The following PDE8A variants were observed in gnomAD, a reference collection of about 807,000 sequenced individuals.
PDE8A encodes high affinity cAMP-specific and IBMX-insensitive 3',5'-cyclic phosphodiesterase 8A.
A neutral mutation model predicts 105.0 loss-of-function variants in PDE8A; 59 were observed. The ratio of observed to expected loss-of-function variants is 0.56; its 90% CI spans 0.46 to 0.70. PDE8A has a LOEUF of 0.70. PDE8A is among the 30% of genes least tolerant of loss of function. The probability of loss-of-function intolerance (pLI) is 0.00; values close to 1 mark genes in which losing one functional copy is unlikely to be tolerated. For missense variants in PDE8A, 1,014 were observed against 1,045.9 expected, an observed-to-expected ratio of 0.97 and a Z score of 0.42; for synonymous variants, 355 against 371.9, an observed-to-expected ratio of 0.95 and a Z score of 0.52.
At chr15:84,982,469 TG>T in intron 1 of PDE8A, 121 bp downstream of exon 1, 1 of 544,266 alleles carries the variant, frequency 1.8e-6, no homozygotes, top group East Asian at 3.6e-5. Context: ...TGTCCCGCTT[TG>T]GATGGTTCTG....
chr15:85,080,620 G>A lies in PDE8A; in HGVS notation c.547-2936G>A, dbSNP rs148952869. Among the ~76,000 whole-genome samples the A allele has an allele frequency of 9.5e-3, 1,453 of 152,276 alleles. 15 individuals are homozygous for A. Among genetic ancestry groups the A allele is most frequent in the Middle Eastern group, 0.058 (17 of 292 alleles). On this transcript the variant is annotated intron_variant, in intron 5 of 21. Transcript: ENST00000394553. ...TGGAAATTTGTGCCTGGTGACTGCC[G>A]TGTTTGAAATTCTGCCCAAGAAGTC...
chr15:85,067,156 T>C lies in PDE8A; in HGVS notation c.386T>C (p.Ile129Thr). 6.2e-7 allele frequency: 1 copy of C among 1,614,004 alleles called. No homozygotes were observed. The highest frequency in any genetic ancestry group is 8.5e-7 in the Non-Finnish European group (1 of 1,179,944). ...CTGGACAAACATCATGACATTATCA[T>C]CATAGACCACAGAAATCCTCGACAG... ...CFLDKHHDII[I>T]IDHRNPRQLD... Residue 129 changes from isoleucine to threonine, a missense_variant, in exon 3 of 22, where the codon ATC becomes ACC. Ile to Thr is a moderately conservative substitution (Grantham distance 89). Coordinates refer to ENST00000394553, the MANE Select transcript of PDE8A (RefSeq NM_002605.3).
At chr15:85,086,212 T>C (rs548932331) in intron 6 of PDE8A, among the ~76,000 whole-genome samples, 4 of 152,132 alleles carry the variant, frequency 2.6e-5, no homozygotes, top group African/African-American at 7.2e-5. Flanking sequence ...TGTGAAAAAG[T>C]AGGGCTACGT....
In PDE8A at chr15:84,997,337, G is replaced by A. The variant is rs140666266; in HGVS notation, c.186+14989G>A. On this transcript the variant is annotated intron_variant, in intron 1 of 21. Transcript: ENST00000394553. ...GCCTCCTAAGTAGCTGGGACTGCAGGTGTGCACCACCATGCCTGGCTAATT... is the reference window on the plus strand; with the variant it reads ...GCCTCCTAAGTAGCTGGGACTGCAGATGTGCACCACCATGCCTGGCTAATT... Among the ~76,000 whole-genome samples, 10 of 151,994 alleles carry A rather than the reference G, an allele frequency of 6.6e-5. No individual in the cohort carries two copies. The East Asian group carries it at 7.7e-4, about 12-fold the overall frequency.
At chr15:85,049,122 A>T (rs1417907892) in intron 1 of PDE8A, among the ~76,000 whole-genome samples, 2 of 151,952 alleles carry the variant, frequency 1.3e-5, no homozygotes, top group Non-Finnish European at 2.9e-5. Context: ...AAATAAAATA[A>T]AAAAGAAAAT....
chr15:85,023,753 G>A (rs2080467429), intron 1 of PDE8A, among the ~76,000 whole-genome samples: 1 of 152,166 alleles, frequency 6.6e-6, no homozygotes, highest in Admixed American at 6.5e-5. Context: ...TGGTGGATGG[G>A]TTATTTATGT....
chr15:85,118,532 T>C (rs576724223), intron 17 of PDE8A, among the ~76,000 whole-genome samples: 69 of 152,318 alleles, frequency 4.5e-4, no homozygotes, highest in African/African-American at 1.6e-3. Context: ...AATGTGATCT[T>C]TCTGAAACAG....
Position 85,123,253 on chromosome 15 carries a change from G to A in PDE8A, c.2085+60G>A. On this transcript the variant is annotated intron_variant, in intron 19 of 21. Transcript: ENST00000394553. ...TGGGGTCCTTGTACTGTTGTGTTATGGAGACACATGGGCTATGATATCAGC... is the reference window on the plus strand; with the variant it reads ...TGGGGTCCTTGTACTGTTGTGTTATAGAGACACATGGGCTATGATATCAGC... 10 of 1,495,164 alleles carry A rather than the reference G, an allele frequency of 6.7e-6. No homozygotes were observed. In the South Asian group the frequency reaches 8.0e-5, roughly 12 times the overall value. 92.6% of individuals were successfully genotyped at this position (1,495,164 alleles called of 1,614,324 possible).
At chr15:85,047,238 A>G (rs779754930) in intron 1 of PDE8A, among the ~76,000 whole-genome samples, 1 of 152,240 alleles carries the variant, frequency 6.6e-6, no homozygotes, top group Non-Finnish European at 1.5e-5. Flanking sequence ...GGTCAGTTTG[A>G]TTATGATTTC....
At chr15:84,982,635 A>T (rs1184362970) in intron 1 of PDE8A, among the ~76,000 whole-genome samples, 1 of 152,070 alleles carries the variant, frequency 6.6e-6, no homozygotes, top group Non-Finnish European at 1.5e-5. Flanking sequence ...GCGGGGCCCG[A>T]TGTGAAGTTG....
intron 21 of PDE8A, among the ~76,000 whole-genome samples, chr15:85,137,149 G>T (rs1328555629): frequency 1.3e-5 from 2 of 152,182 alleles, no homozygotes; most frequent in Admixed American, 1.3e-4. Context: ...TTCGTCCTGA[G>T]GGCTGCACCT....
chr15:85,010,643 C>T (rs368817596), intron 1 of PDE8A, among the ~76,000 whole-genome samples: 10 of 152,318 alleles, frequency 6.6e-5, no homozygotes, highest in East Asian at 3.9e-4. Context: ...ACAGTGCCTA[C>T]ACTCATTGGT....
intron 20 of PDE8A, 27 bp downstream of exon 20, chr15:85,126,401 TAGAGAG>T: frequency 6.8e-7 from 1 of 1,475,796 alleles, no homozygotes; most frequent in Non-Finnish European, 9.1e-7. Context: ...TTTAAGTTTC[TAGAGAG>T]AGAGAGAGTT....
chr15:84,990,483 A>G (rs747592905), intron 1 of PDE8A, among the ~76,000 whole-genome samples: 1 of 152,176 alleles, frequency 6.6e-6, no homozygotes, highest in Non-Finnish European at 1.5e-5. Context: ...AGAACCTTAC[A>G]GTCTATTCTT....
At chr15:85,033,738 G>A (rs1242421187) in intron 1 of PDE8A, among the ~76,000 whole-genome samples, 2 of 152,108 alleles carry the variant, frequency 1.3e-5, no homozygotes, top group Admixed American at 6.5e-5. Flanking sequence ...GGTGGCGGGC[G>A]CCTGTAATCC....
At chr15:85,090,645 A>G in intron 7 of PDE8A, 2 of 344,134 alleles carry the variant, frequency 5.8e-6, no homozygotes, top group South Asian at 4.4e-5. Flanking sequence ...GAGGGGGAGG[A>G]CAGCCTGAGT....
chr15:85,001,243 A>G (rs528569160), intron 1 of PDE8A, among the ~76,000 whole-genome samples: 1 of 152,234 alleles, frequency 6.6e-6, no homozygotes, highest in East Asian at 1.9e-4. Context: ...TTCCCAATTT[A>G]ATCAGTGTAA....
intron 20 of PDE8A, among the ~76,000 whole-genome samples, chr15:85,134,453 T>C (rs773645486): frequency 3.3e-4 from 51 of 152,262 alleles, no homozygotes; most frequent in Non-Finnish European, 5.7e-4. Flanking sequence ...CAGAGACTCG[T>C]GTAGGGCTGA....
At chr15:85,088,252 T>C (rs2081585702) in intron 6 of PDE8A, among the ~76,000 whole-genome samples, 1 of 152,232 alleles carries the variant, frequency 6.6e-6, no homozygotes, top group Non-Finnish European at 1.5e-5. Flanking sequence ...CTTGAACTGC[T>C]GACCTCAGGT....
Sources: allele counts gnomAD v4.1 joint callset (sites outside exome capture counted in the v4.1 genomes callset), GRCh38; gene constraint gnomAD v4.1.1; transcripts MANE v1.5; gene names NCBI Gene and HGNC (gene_info 2026-07-23, HGNC 2026-07-21).